Variants in CEP97 observed in about 807,000 individuals in gnomAD.
CEP97 encodes the protein centrosomal protein of 97 kDa.
A neutral mutation model predicts 73.1 loss-of-function variants in CEP97; 43 were observed. That is an observed-to-expected ratio of 0.59 (90% confidence interval 0.46 to 0.76). The LOEUF (loss-of-function observed/expected upper bound fraction) is 0.76. CEP97 is among the 30% of genes least tolerant of loss of function. CEP97 has a pLI of 0.00. For missense variants in CEP97, 939 were observed against 1,014.0 expected, an observed-to-expected ratio of 0.93 and a Z score of 1.00; for synonymous variants, 337 against 370.0, an observed-to-expected ratio of 0.91 and a Z score of 1.02.
rs1312201457 is a variant in CEP97, at chr3:101,765,580, T to C, written c.*29T>C. 3.3e-6 allele frequency: 5 copies of C among 1,534,768 alleles called. No homozygotes were observed. The highest frequency in any genetic ancestry group is 4.4e-6 in the Non-Finnish European group (5 of 1,137,454). On this transcript the variant is annotated 3_prime_UTR_variant, in exon 11 of 11. Coordinates refer to ENST00000341893, the MANE Select transcript of CEP97 (RefSeq NM_024548.4). ...GTCTTTTGGGAGGCAGATATCCACTTAACTTTTCTTAAAAATACTTTCAGT... is the reference window on the plus strand; with the variant it reads ...GTCTTTTGGGAGGCAGATATCCACTCAACTTTTCTTAAAAATACTTTCAGT...
At chr3:101,738,867 A>G (rs1938360936) in intron 6 of CEP97, among the ~76,000 whole-genome samples, 3 of 152,188 alleles carry the variant, frequency 2.0e-5, no homozygotes, top group Admixed American at 2.0e-4. Flanking sequence ...GACACAAAAA[A>G]CCCTTCAAAA....
At chr3:101,732,032 T>G in intron 5 of CEP97, 79 bp downstream of exon 5, 1 of 796,910 alleles carries the variant, frequency 1.3e-6, no homozygotes, top group Non-Finnish European at 2.2e-6. Flanking sequence ...GTGAGCTTAC[T>G]TTTAGACTGT....
In CEP97 at chr3:101,757,863, T is replaced by C. The variant is rs1475669746; in HGVS notation, c.1257T>C (p.Val419=). The part of the protein sequence containing the change: ...ASGLSPLSPT[V]ELRLQGINLG... ...GACTGTCTCCACTATCACCTACAGT[T>C]GAGCTGAGGCTGCAGGGCATTAACT... Residue 419 remains valine, a synonymous_variant, in exon 9 of 11, where the codon GTT becomes GTC. Transcript: ENST00000341893. The C allele has an allele frequency of 6.2e-7, 1 of 1,614,236 alleles. No individual in the cohort carries two copies. The highest frequency in any genetic ancestry group is 1.7e-5 in the Admixed American group (1 of 60,018).
At chr3:101,732,017 G>T in intron 5 of CEP97, 64 bp downstream of exon 5, 1 of 929,878 alleles carries the variant, frequency 1.1e-6, no homozygotes. Context: ...ACACAGGAGA[G>T]GGTTGTGAGC....
intron 6 of CEP97, among the ~76,000 whole-genome samples, chr3:101,744,169 A>G (rs1938540826): frequency 6.6e-6 from 1 of 152,140 alleles, no homozygotes; most frequent in African/African-American, 2.4e-5. Context: ...TTTACTTCAC[A>G]TGTATACTGT....
At chr3:101,730,228 GTTTTTTTGTTTTGTTTTGTTTTGTT>G (rs1405578316) in intron 4 of CEP97, among the ~76,000 whole-genome samples, 6 of 115,528 alleles carry the variant, frequency 5.2e-5, no homozygotes, top group Non-Finnish European at 9.7e-5. Context: ...GGCCGAGTCT[GTTTTTTTGTTTTGTTTTGTTTTGTT>G]TTGTTTTGTT....
intron 6 of CEP97, among the ~76,000 whole-genome samples, chr3:101,748,362 T>C (rs537888652): frequency 3.3e-5 from 5 of 152,238 alleles, no homozygotes; most frequent in African/African-American, 7.2e-5. Flanking sequence ...GTGTTTTTTT[T>C]CACAAAAACT....
At chr3:101,731,022 T>G (rs770290718) in intron 4 of CEP97, among the ~76,000 whole-genome samples, 1 of 151,880 alleles carries the variant, frequency 6.6e-6, no homozygotes, top group Non-Finnish European at 1.5e-5. Context: ...TGTTCAGTTT[T>G]GGGTTTATTC....
rs200288843 is a variant in CEP97 at position 101,758,001 on chromosome 3, A to T, written c.1395A>T (p.Gln465His). ...GGGCTGCAAATGAGAATTCTGTTCAAATGATGAGAAGTGAAATCAATACAG... is the reference window on the plus strand; with the variant it reads ...GGGCTGCAAATGAGAATTCTGTTCATATGATGAGAAGTGAAATCAATACAG... ...PLWAANENSV[Q>H]MMRSEINTEV... Residue 465 changes from glutamine to histidine, a missense_variant, in exon 9 of 11, where the codon CAA becomes CAT. Gln to His is a conservative substitution (Grantham distance 24, BLOSUM62 0). Coordinates refer to ENST00000341893, the MANE Select transcript of CEP97 (RefSeq NM_024548.4). 1.2e-5 allele frequency: 20 copies of T among 1,614,124 alleles called. No individual in the cohort carries two copies. The highest frequency in any genetic ancestry group is 6.7e-5 in the Admixed American group (4 of 60,006).
At chr3:101,724,755 T>G (rs773659559) in intron 1 of CEP97, 36 bp downstream of exon 1, 8 of 1,608,858 alleles carry the variant, frequency 5.0e-6, no homozygotes, top group Non-Finnish European at 2.6e-6. Context: ...TAAGGTTTAC[T>G]TCACGGAGCT....
Position 101,757,043 on chromosome 3 carries a change from C to T in CEP97, c.894-20C>T, listed in dbSNP as rs748121588. ...TTTTTTGGTTTGTGTTAAATTAGAC[C>T]AGGTATTATTGATTTTTAGGTTTCA... On this transcript the variant is annotated intron_variant, in intron 7 of 10. Transcript: ENST00000341893. The T allele has an allele frequency of 1.3e-5, 20 of 1,584,906 alleles. No individual in the cohort carries two copies. Among genetic ancestry groups the T allele is most frequent in the Admixed American group, 1.9e-5 (1 of 52,724 alleles).
At chr3:101,763,048 C>T in intron 10 of CEP97, 2 of 1,229,440 alleles carry the variant, frequency 1.6e-6, no homozygotes, top group Non-Finnish European at 2.1e-6. Context: ...ACATCAAATA[C>T]TTCTTGATGA....
rs1485839544 is a variant in CEP97, at chr3:101,732,068, C to T, written c.561+115C>T. 5 of 678,114 alleles carry T rather than the reference C, an allele frequency of 7.4e-6. No homozygotes were observed. In the South Asian group the frequency reaches 8.9e-5, roughly 12 times the overall value. The allele number at this position is 678,114 out of a possible 1,614,324, so 42.0% of individuals were successfully genotyped here. ...GAGCATCTTGGAAGAAACTGCCATT[C>T]ATATGAAATGCTTGGCTCTAGATCT... On this transcript the variant is annotated intron_variant, in intron 5 of 10. Coordinates refer to ENST00000341893, the MANE Select transcript of CEP97 (RefSeq NM_024548.4).
intron 6 of CEP97, among the ~76,000 whole-genome samples, chr3:101,751,163 G>A (rs1314503768): frequency 3.3e-5 from 5 of 152,092 alleles, no homozygotes; most frequent in African/African-American, 1.2e-4. Context: ...CCTTCATTTC[G>A]TTATGTACCC....
chr3:101,765,267 C>T lies in CEP97; in HGVS notation c.2314C>T (p.Leu772Phe). ...SSNNEQDNSL[L>F]EQYLTSVQQL... ...AAATAACGAGCAGGACAATAGTCTG[C>T]TTGAACAGTATTTAACTTCAGTTCA... Residue 772 changes from leucine (L) to phenylalanine (F), a missense_variant, in exon 11 of 11, where the codon CTT becomes TTT. By Grantham distance (22) the Leu-to-Phe change is conservative. Coordinates refer to ENST00000341893, the MANE Select transcript of CEP97 (RefSeq NM_024548.4). 6.2e-7 allele frequency: 1 copy of T among 1,614,148 alleles called. No individual in the cohort carries two copies. The highest frequency in any genetic ancestry group is 8.5e-7 in the Non-Finnish European group (1 of 1,180,014).
rs1939319577 is a variant in CEP97 at position 101,766,430 on chromosome 3, T to C, written c.*879T>C. On this transcript the variant is annotated 3_prime_UTR_variant, in exon 11 of 11. Transcript: ENST00000341893. ...CATCTCCTCTGTTCCTGCTTATTTT[T>C]ACTTATATATTTCAGCAGAAGGTCC... 6.6e-6 allele frequency: 1 copy of C among 152,646 alleles called. No homozygotes were observed. The highest frequency in any genetic ancestry group is 6.5e-5 in the Admixed American group (1 of 15,282). The allele number at this position is 152,646 out of a possible 1,614,324, so 9.5% of individuals were successfully genotyped here.
At chr3:101,748,978 C>A (rs1193149716) in intron 6 of CEP97, among the ~76,000 whole-genome samples, 5 of 152,116 alleles carry the variant, frequency 3.3e-5, no homozygotes, top group Admixed American at 3.3e-4. Context: ...ATTAAATAAA[C>A]TAAACTTTTT....
At chr3:101,747,942 G>C (rs748568908) in intron 6 of CEP97, among the ~76,000 whole-genome samples, 6 of 150,954 alleles carry the variant, frequency 4.0e-5, no homozygotes, top group Admixed American at 1.3e-4. Context: ...GGGCAGCATA[G>C]TGAGTCCCCA....
Position 101,757,724 on chromosome 3 carries a change from A to T in CEP97, c.1118A>T (p.His373Leu). The T allele has an allele frequency of 1.2e-6, 2 of 1,614,224 alleles. No homozygotes were observed. The highest frequency in any genetic ancestry group is 4.5e-5 in the East Asian group (2 of 44,888). Residue 373 changes from histidine to leucine, a missense_variant, in exon 9 of 11, where the codon CAC (histidine) becomes CTC (leucine). By Grantham distance (99) the His-to-Leu change is moderately conservative (BLOSUM62 -3). Transcript: ENST00000341893. ...AAGAATAATTTTCCAGCCTCTGTAC[A>T]CACTACGAGATATTCTCGAAATGAT... is the stretch of plus-strand genomic sequence containing the variant. ...AVKNNFPASV[H>L]TTRYSRNDLH... is the part of the protein sequence containing the mutation.
Sources: allele counts gnomAD v4.1 joint callset (sites outside exome capture counted in the v4.1 genomes callset), GRCh38; gene constraint gnomAD v4.1.1; transcripts MANE v1.5; gene names NCBI Gene and HGNC (gene_info 2026-07-23, HGNC 2026-07-21).